PTPRN2: variants seen among roughly 807,000 people sequenced by gnomAD.
PTPRN2 encodes receptor-type tyrosine-protein phosphatase N2.
A neutral mutation model predicts 118.8 loss-of-function variants in PTPRN2; 74 were observed. That is an observed-to-expected ratio of 0.62 (90% CI 0.52 to 0.76). The LOEUF (loss-of-function observed/expected upper bound fraction) is 0.76, where lower values mean the gene tolerates loss of function less well. Among genes scored for constraint, PTPRN2 ranks in the 30% least tolerant of loss-of-function variants. The pLI, the probability that PTPRN2 is intolerant of heterozygous loss-of-function variation, is 0.00. For missense variants in PTPRN2, 1,481 were observed against 1,394.4 expected, an observed-to-expected ratio of 1.06 and a Z score of -0.99; for synonymous variants, 641 against 608.0, an observed-to-expected ratio of 1.05 and a Z score of -0.80.
intron 14 of PTPRN2, among the ~76,000 whole-genome samples, chr7:157,643,011 G>A (rs1192800214): frequency 1.3e-5 from 2 of 152,130 alleles, no homozygotes; most frequent in Non-Finnish European, 2.9e-5. Context: ...AAACCAGGTC[G>A]TAAATATACA....
intron 22 of PTPRN2, among the ~76,000 whole-genome samples, chr7:157,545,626 T>C (rs1322381940): frequency 6.6e-6 from 1 of 152,102 alleles, no homozygotes; most frequent in Non-Finnish European, 1.5e-5. Context: ...ATGGAGTTTG[T>C]GGTCGGGGAC....
chr7:157,595,464 G>C, intron 16 of PTPRN2, 149 bp from the exon 17 acceptor site: 1 of 671,540 alleles, frequency 1.5e-6, no homozygotes, highest in Non-Finnish European at 2.5e-6. Flanking sequence ...AGGAAACCTG[G>C]GGGTTAGGAA....
chr7:157,616,454 C>CA (rs563620879), intron 15 of PTPRN2: 22 of 151,964 alleles, frequency 1.4e-4, no homozygotes, highest in Non-Finnish European at 2.5e-4. Context: ...AAAGAATCCT[C>CA]AGTCTCTGGC....
At chr7:158,448,758 G>C (rs534511469) in intron 2 of PTPRN2, among the ~76,000 whole-genome samples, 1 of 152,186 alleles carries the variant, frequency 6.6e-6, no homozygotes, top group African/African-American at 2.4e-5. Context: ...AGCCTAAGAC[G>C]GGTTCAAGGC....
At chr7:158,065,666 T>C (rs1810718886) in intron 11 of PTPRN2, among the ~76,000 whole-genome samples, 1 of 152,214 alleles carries the variant, frequency 6.6e-6, no homozygotes, top group Admixed American at 6.5e-5. Flanking sequence ...GATAATGAGT[T>C]GAGTTGTTCA....
At chr7:158,414,419 G>A (rs2129417769) in intron 2 of PTPRN2, among the ~76,000 whole-genome samples, 1 of 152,290 alleles carries the variant, frequency 6.6e-6, no homozygotes, top group Middle Eastern at 3.4e-3. Context: ...GCCTAAGAAG[G>A]AAAGAAATAA....
chr7:158,139,951 C>A (rs1285908854), intron 6 of PTPRN2, among the ~76,000 whole-genome samples: 1 of 135,438 alleles, frequency 7.4e-6, no homozygotes, highest in Non-Finnish European at 1.6e-5. Context: ...GTGAACAAAG[C>A]TGAGCCAGTG....
intron 2 of PTPRN2, among the ~76,000 whole-genome samples, chr7:158,486,592 C>A (rs1456293518): frequency 8.5e-5 from 13 of 152,060 alleles, no homozygotes; most frequent in African/African-American, 1.9e-4. Context: ...CTATAATAAC[C>A]AAAGTTACTC....
chr7:157,796,519 G>C (rs2151086762), intron 12 of PTPRN2, among the ~76,000 whole-genome samples: 1 of 152,342 alleles, frequency 6.6e-6, no homozygotes, highest in South Asian at 2.1e-4. Context: ...AGAAGAGAAG[G>C]AAACGTTAAA....
intron 2 of PTPRN2, among the ~76,000 whole-genome samples, chr7:158,400,646 C>T (rs961363015): frequency 6.6e-6 from 1 of 152,152 alleles, no homozygotes; most frequent in Non-Finnish European, 1.5e-5. Flanking sequence ...GGGAGTTGCC[C>T]TCTTGCAGGT....
At chr7:157,624,385 C>A (rs1408120051) in intron 14 of PTPRN2, among the ~76,000 whole-genome samples, 1 of 151,814 alleles carries the variant, frequency 6.6e-6, no homozygotes, top group African/African-American at 2.4e-5. Context: ...CGCATCATTG[C>A]ACTCCAGTCT....
chr7:157,936,995 T>C (rs962517034), intron 11 of PTPRN2, among the ~76,000 whole-genome samples: 1 of 152,270 alleles, frequency 6.6e-6, no homozygotes, highest in Non-Finnish European at 1.5e-5. Context: ...ATTTTTTCTC[T>C]TGTAGAATGT....
At chr7:157,878,734 A>G (rs1419369843) in intron 12 of PTPRN2, among the ~76,000 whole-genome samples, 227 of 85,602 alleles carry the variant, frequency 2.7e-3, no homozygotes, top group South Asian at 5.8e-3. Context: ...CTCGGATTCC[A>G]TGGGGCTGGA....
chr7:157,940,723 TCTAACGCCCTGCCC>T (rs1800014446), intron 11 of PTPRN2, among the ~76,000 whole-genome samples: 2 of 82,116 alleles, frequency 2.4e-5, no homozygotes, highest in African/African-American at 1.4e-4. Flanking sequence ...ACACTGCAAA[TCTAACGCCCTGCCC>T]CATGACACTG....
intron 5 of PTPRN2, among the ~76,000 whole-genome samples, chr7:158,183,616 C>A (rs1824901418): frequency 6.6e-6 from 1 of 152,236 alleles, no homozygotes; most frequent in South Asian, 2.1e-4. Flanking sequence ...GCTCTTTCTA[C>A]TGCTTCTCCT....
chr7:157,737,339 CTG>C (rs1447594409), intron 12 of PTPRN2, among the ~76,000 whole-genome samples: 2 of 152,202 alleles, frequency 1.3e-5, no homozygotes, highest in African/African-American at 4.8e-5. Context: ...TTTGGAGGCT[CTG>C]TTCGCTGAGC....
chr7:158,448,149 C>A (rs1478451230), intron 2 of PTPRN2, among the ~76,000 whole-genome samples: 1 of 152,234 alleles, frequency 6.6e-6, no homozygotes. Flanking sequence ...GGGAAGGCCA[C>A]AGGCCAGGTC....
rs1423826828 is a variant in PTPRN2, at chr7:158,111,040, G to A, written c.1557-125C>T. On this transcript the variant is annotated intron_variant, in intron 9 of 22. Coordinates refer to ENST00000389418, the MANE Select transcript of PTPRN2 (RefSeq NM_002847.5). The stretch of plus-strand genomic sequence containing the variant: ...ACACACCCTGCTCTCCTGGCCTGGG[G>A]TCAGCTGCCCCCTCAGGCACAAGGA... 4 of 789,146 alleles carry A rather than the reference G, an allele frequency of 5.1e-6. No individual in the cohort carries two copies. In the East Asian group the frequency reaches 1.1e-4, roughly 21 times the overall value. 48.9% of individuals were successfully genotyped at this position (789,146 alleles called of 1,614,324 possible).
intron 11 of PTPRN2, among the ~76,000 whole-genome samples, chr7:157,965,789 T>C (rs6956867): frequency 0.37 from 56,854 of 152,120 alleles, 10,818 homozygotes; most frequent in Admixed American, 0.49. Flanking sequence ...TCTTATTTTA[T>C]GACTTTCTGA....
Sources: gnomAD v4.1 joint callset for allele counts (sites outside exome capture counted in the v4.1 genomes callset) on GRCh38, gnomAD v4.1.1 for gene constraint, MANE v1.5 for transcripts, NCBI Gene and HGNC (gene_info 2026-07-23, HGNC 2026-07-21) for gene names.